Variants in HTR2C observed in about 807,000 individuals in gnomAD.
HTR2C encodes the protein 5-hydroxytryptamine (serotonin) receptor 2C, G protein-coupled.
In HTR2C, 5 loss-of-function variants were observed where a neutral mutation model predicts 21.0. The ratio of observed to expected loss-of-function variants is 0.24; its 90% confidence interval spans 0.12 to 0.50. The LOEUF (loss-of-function observed/expected upper bound fraction) is 0.50. HTR2C is among the 20% of genes least tolerant of loss of function. HTR2C has a pLI of 0.98. For missense variants in HTR2C, 271 were observed against 371.2 expected, an observed-to-expected ratio of 0.73 and a Z score of 2.22; for synonymous variants, 150 against 145.3, an observed-to-expected ratio of 1.03 and a Z score of -0.23.
intron 4 of HTR2C, among the ~76,000 whole-genome samples, chrX:114,791,130 G>A (rs1023314865): frequency 1.8e-5 from 2 of 112,840 alleles, no homozygotes; most frequent in Non-Finnish European, 3.7e-5. Context: ...ATAGCGCCAT[G>A]AGCGCATCAA....
intron 4 of HTR2C, among the ~76,000 whole-genome samples, chrX:114,836,308 G>A (rs2070782438): frequency 9.0e-6 from 1 of 111,319 alleles, no homozygotes; most frequent in Admixed American, 9.4e-5. Context: ...CCCCAGCCTC[G>A]CTGCCGCCTT....
chrX:114,833,516 A>G (rs2070749827), intron 4 of HTR2C, among the ~76,000 whole-genome samples: 1 of 111,209 alleles, frequency 9.0e-6, no homozygotes, highest in Non-Finnish European at 1.9e-5. Flanking sequence ...CTCTGATGGT[A>G]GTTTGTATTT....
Position 114,644,260 on chromosome X carries a change from C to T in HTR2C, c.-80+30379C>T, listed in dbSNP as rs782814799. Reference sequence around the variant, plus strand: ...ACTCAGGAGGCTGAGGCAGGAGAATCGCTTGAGCTGGGGAGGTGGAGGTTG... The same window carrying T: ...ACTCAGGAGGCTGAGGCAGGAGAATTGCTTGAGCTGGGGAGGTGGAGGTTG... On this transcript the variant is annotated intron_variant, in intron 2 of 5. Coordinates refer to ENST00000276198, the MANE Select transcript of HTR2C (RefSeq NM_000868.4). Among the ~76,000 whole-genome samples, 13 of 102,354 alleles carry T rather than the reference C, an allele frequency of 1.3e-4. No homozygotes were observed. The East Asian group carries it at 3.4e-3, about 27-fold the overall frequency. The allele number at this position is 102,354 out of a possible 115,157, so 88.9% of individuals were successfully genotyped here.
At chrX:114,879,855 C>T (rs2071166834) in intron 5 of HTR2C, among the ~76,000 whole-genome samples, 1 of 110,722 alleles carries the variant, frequency 9.0e-6, no homozygotes, top group Non-Finnish European at 1.9e-5. Context: ...GGAATTTGGG[C>T]TGGTTCCATA....
chrX:114,711,246 G>A (rs1932887925), intron 2 of HTR2C, among the ~76,000 whole-genome samples: 1 of 111,332 alleles, frequency 9.0e-6, no homozygotes, highest in African/African-American at 3.3e-5. Context: ...CAATGATTTT[G>A]TTTCAGTGCC....
rs55960587 is a variant in HTR2C, at chrX:114,908,225, A to C, written c.*810A>C. The C allele has an allele frequency of 7.0e-3, 786 of 112,694 alleles. 3 individuals carry two copies. Among genetic ancestry groups the C allele is most frequent in the Non-Finnish European group, 0.01 (556 of 53,190 alleles). 9.3% of individuals were successfully genotyped at this position (112,694 alleles called of 1,213,427 possible). ...TAGTAAATTCCTAATTCTATGATTA[A>C]ACTGGGAAATGAGATCCCAGAGTTA... On this transcript the variant is annotated 3_prime_UTR_variant, in exon 6 of 6. Coordinates refer to ENST00000276198, the MANE Select transcript of HTR2C (RefSeq NM_000868.4).
chrX:114,688,331 AAAAAG>A (rs781965522), intron 2 of HTR2C, among the ~76,000 whole-genome samples: 1 of 109,506 alleles, frequency 9.1e-6, no homozygotes, highest in Non-Finnish European at 1.9e-5. Flanking sequence ...AAAAAAAAAA[AAAAAG>A]AAAAGAAAAG....
At chrX:114,720,098 T>G (rs190512623) in intron 2 of HTR2C, among the ~76,000 whole-genome samples, 10 of 111,955 alleles carry the variant, frequency 8.9e-5, no homozygotes, top group Non-Finnish European at 1.5e-4. Context: ...TTCTGTCACT[T>G]ATTTTCAGAC....
chrX:114,777,438 T>G (rs1556438925), intron 4 of HTR2C, among the ~76,000 whole-genome samples: 1 of 112,291 alleles, frequency 8.9e-6, no homozygotes, highest in Non-Finnish European at 1.9e-5. Context: ...CTTTTAGAAA[T>G]ATATTTAAAT....
At chrX:114,782,681 G>T (rs1382996146) in intron 4 of HTR2C, among the ~76,000 whole-genome samples, 1 of 109,969 alleles carries the variant, frequency 9.1e-6, no homozygotes, top group Non-Finnish European at 1.9e-5. Context: ...TTGCACCAAC[G>T]CACTCCAGCT....
chrX:114,852,067 C>T (rs988545562), intron 5 of HTR2C, among the ~76,000 whole-genome samples: 2 of 111,204 alleles, frequency 1.8e-5, no homozygotes, highest in Non-Finnish European at 3.8e-5. Context: ...ATACCCATAC[C>T]ACTACCAATA....
chrX:114,765,027 TTTTC>T (rs1351915365), intron 4 of HTR2C, among the ~76,000 whole-genome samples: 2 of 106,977 alleles, frequency 1.9e-5, no homozygotes, highest in Non-Finnish European at 3.9e-5. Flanking sequence ...TTTCTTTCTT[TTTTC>T]TTTCTTTCTT....
chrX:114,824,570 C>A (rs1296683092), intron 4 of HTR2C, among the ~76,000 whole-genome samples: 1 of 111,844 alleles, frequency 8.9e-6, no homozygotes, highest in Admixed American at 9.5e-5. Flanking sequence ...TGAGTTGTAT[C>A]CTGGGATGCT....
chrX:114,731,094 A>G (rs1249498228), intron 3 of HTR2C, among the ~76,000 whole-genome samples, 200 bp from the exon 4 acceptor site: 1 of 111,675 alleles, frequency 9.0e-6, no homozygotes, highest in Admixed American at 9.6e-5. Context: ...ATAATCACTC[A>G]ATAAAAGTTG....
At chrX:114,672,546 T>G (rs782476565) in intron 2 of HTR2C, among the ~76,000 whole-genome samples, 1 of 112,395 alleles carries the variant, frequency 8.9e-6, no homozygotes, top group Non-Finnish European at 1.9e-5. Flanking sequence ...TTACTTAGTT[T>G]CCCTGTAAAA....
chrX:114,812,753 C>CAAA (rs55961441), intron 4 of HTR2C, among the ~76,000 whole-genome samples: 3 of 103,516 alleles, frequency 2.9e-5, no homozygotes, highest in African/African-American at 1.1e-4. Context: ...AACAAACAAA[C>CAAA]AAAAAAAAAA....
At chrX:114,884,780 G>C (rs782089028) in intron 5 of HTR2C, among the ~76,000 whole-genome samples, 21 of 111,633 alleles carry the variant, frequency 1.9e-4, no homozygotes, top group African/African-American at 6.5e-4. Context: ...TTTCTCCTTT[G>C]ATTTATTATT....
intron 5 of HTR2C, among the ~76,000 whole-genome samples, chrX:114,851,213 A>C (rs2070915033): frequency 8.9e-6 from 1 of 111,858 alleles, no homozygotes; most frequent in Non-Finnish European, 1.9e-5. Context: ...GAAAACAATT[A>C]ACAAACCTGA....
intron 3 of HTR2C, among the ~76,000 whole-genome samples, chrX:114,729,916 G>T (rs1480492187): frequency 9.0e-6 from 1 of 111,465 alleles, no homozygotes; most frequent in Non-Finnish European, 1.9e-5. Flanking sequence ...AGCATATATT[G>T]TGCAACCAGA....
Sources: allele counts gnomAD v4.1 joint callset (sites outside exome capture counted in the v4.1 genomes callset), GRCh38; gene constraint gnomAD v4.1.1; transcripts MANE v1.5; gene names NCBI Gene and HGNC (gene_info 2026-07-23, HGNC 2026-07-21).